CENPO: variants seen among roughly 807,000 people sequenced by gnomAD.
CENPO encodes centromeric protein O.
In CENPO, 30 loss-of-function variants were observed where a neutral mutation model predicts 36.1. The ratio of observed to expected loss-of-function variants is 0.83; its 90% CI spans 0.62 to 1.13. The LOEUF is 1.13. Among genes scored for constraint, CENPO ranks in the 50% most tolerant of loss-of-function variants. The pLI is 0.00. For synonymous variants in CENPO, 171 were observed against 142.3 expected (o/e 1.20, Z -1.44); for missense variants, 349 against 357.8 (o/e 0.98, Z 0.20).
At chr2:24,810,047 C>CAA (rs34117565) in intron 3 of CENPO, among the ~76,000 whole-genome samples, 1,655 of 133,576 alleles carry the variant, frequency 0.012, 22 homozygotes, top group African/African-American at 0.038. Context: ...AACTATGTCT[C>CAA]AAAAAAAAAA....
chr2:24,795,824 A>AT (rs781308603), intron 2 of CENPO, among the ~76,000 whole-genome samples: 42 of 152,326 alleles, frequency 2.8e-4, no homozygotes, highest in Non-Finnish European at 5.9e-4. Flanking sequence ...CACAGTATGA[A>AT]TAACTTCCAG....
At chr2:24,819,227 T>TTCTC (rs1166992045) in intron 7 of CENPO, 127 bp from the exon 8 acceptor site, 7 of 152,626 alleles carry the variant, frequency 4.6e-5, no homozygotes. Context: ...TACCTGTAAA[T>TTCTC]TCTCTTAAAG....
In CENPO at chr2:24,820,623, T is replaced by G. The variant is rs1006075985; in HGVS notation, c.*1305T>G. The G allele has an allele frequency of 7.2e-5, 112 of 1,559,222 alleles. No homozygotes were observed. The highest frequency in any genetic ancestry group is 9.5e-5 in the Non-Finnish European group (109 of 1,147,692). On this transcript the variant is annotated 3_prime_UTR_variant, in exon 8 of 8. Coordinates refer to ENST00000380834, the MANE Select transcript of CENPO (RefSeq NM_001322101.2). ...CACGTCTCTGCCTCTGGACTTACTG[T>G]TCAGGGCCAGGGTGGGAGGCAGGGG... is the stretch of plus-strand genomic sequence containing the variant.
chr2:24,808,441 A>T (rs1016440390), intron 3 of CENPO, among the ~76,000 whole-genome samples: 1 of 152,136 alleles, frequency 6.6e-6, no homozygotes, highest in African/African-American at 2.4e-5. Flanking sequence ...ACCTCAGGTT[A>T]TCCACCCGCC....
rs1422493851 is a variant in CENPO at position 24,819,828 on chromosome 2, AAAGTC to A, written c.*511_*515del. ...GAAGGCTGAGGAGGTTTCTAAACCT[AAAGTC>A]CATGAGTGTGCACTTCAATCCAGGA... On this transcript the variant is annotated 3_prime_UTR_variant, in exon 8 of 8. Transcript: ENST00000380834. 9 of 1,252,572 alleles carry A rather than the reference AAAGTC, an allele frequency of 7.2e-6. No individual in the cohort carries two copies. Among genetic ancestry groups the A allele is most frequent in the African/African-American group, 3.0e-5 (2 of 65,764 alleles). 77.6% of individuals were successfully genotyped at this position (1,252,572 alleles called of 1,614,324 possible).
chr2:24,816,418 A>T lies in CENPO; in HGVS notation c.595-228A>T, dbSNP rs1572745781. 1.1e-5 allele frequency: 5 copies of T among 474,674 alleles called. No homozygotes were observed. The South Asian group carries it at 2.1e-4, about 20-fold the overall frequency. 29.4% of individuals were successfully genotyped at this position (474,674 alleles called of 1,614,324 possible). A position where few individuals can be genotyped will look rare whatever the true frequency, so the allele number is the denominator to read the frequency against. On this transcript the variant is annotated intron_variant, in intron 5 of 7. Transcript: ENST00000380834. ...CAGAAACAGTCTCTTGCGAAGCTGTACCCCTGGCCATTTAGGCCTATAGGC... is the reference window on the plus strand; with the variant it reads ...CAGAAACAGTCTCTTGCGAAGCTGTTCCCCTGGCCATTTAGGCCTATAGGC...
At chr2:24,815,441 G>C (rs2148289004) in intron 4 of CENPO, 56 bp from the exon 5 acceptor site, 4 of 1,480,608 alleles carry the variant, frequency 2.7e-6, no homozygotes, top group Non-Finnish European at 3.8e-6. Flanking sequence ...AGGCACAGAT[G>C]AGTAAGACAT....
chr2:24,805,439 T>C (rs943914078), intron 3 of CENPO, among the ~76,000 whole-genome samples: 4 of 152,230 alleles, frequency 2.6e-5, no homozygotes, highest in Non-Finnish European at 5.9e-5. Context: ...CTCTGTTTTT[T>C]CCCCATCTTT....
Position 24,815,688 on chromosome 2 carries a change from T to C in CENPO, c.526T>C (p.Phe176Leu), listed in dbSNP as rs773815481. 6.2e-7 allele frequency: 1 copy of C among 1,614,086 alleles called. No homozygotes were observed. Among genetic ancestry groups the C allele is most frequent in the South Asian group, 1.1e-5 (1 of 91,088 alleles). ...ATATTTACAGACCAACATCCAGCAC[T>C]TCCTGTTCAGTCTCTGCGAGTACCT... Reference protein sequence around the residue: ...AKYLQTNIQHFLFSLCEYLNA... With the variant: ...AKYLQTNIQHLLFSLCEYLNA... The change falls in exon 5 of 8, where the codon TTC becomes CTC. Residue 176 changes from phenylalanine to leucine, a missense_variant. Transcript: ENST00000380834.
rs373130464 is a variant in CENPO at position 24,820,716 on chromosome 2, G to A, written c.*1398G>A. On this transcript the variant is annotated 3_prime_UTR_variant, in exon 8 of 8. Coordinates refer to ENST00000380834, the MANE Select transcript of CENPO (RefSeq NM_001322101.2). The stretch of plus-strand genomic sequence containing the variant: ...CTGAGCACGTGCCAGCTGTGCCACT[G>A]GACATACCTGAATGTTGCCCATGAC... 4.3e-6 allele frequency: 7 copies of A among 1,613,956 alleles called. No individual in the cohort carries two copies.
rs1053626077 is a variant in CENPO, at chr2:24,821,249, C to T, written c.*1931C>T. The T allele has an allele frequency of 2.5e-5, 12 of 477,782 alleles. No homozygotes were observed. Among genetic ancestry groups the T allele is most frequent in the Non-Finnish European group, 4.4e-5 (12 of 272,126 alleles). 29.6% of individuals were successfully genotyped at this position (477,782 alleles called of 1,614,324 possible). A position where few individuals can be genotyped will look rare whatever the true frequency, so the allele number is the denominator to read the frequency against. ...CAGCAACCCCTCTGGAAATGGATCACAAACTCACTTCTCAGCCAGGCAGGC... is the reference window on the plus strand; with the variant it reads ...CAGCAACCCCTCTGGAAATGGATCATAAACTCACTTCTCAGCCAGGCAGGC... On this transcript the variant is annotated 3_prime_UTR_variant, in exon 8 of 8. Transcript: ENST00000380834.
At chr2:24,803,148 T>G (rs1246599903) in intron 3 of CENPO, among the ~76,000 whole-genome samples, 1 of 151,380 alleles carries the variant, frequency 6.6e-6, no homozygotes, top group East Asian at 1.9e-4. Flanking sequence ...GATGGTAGTT[T>G]GTATTTCTGT....
chr2:24,805,653 A>C (rs1369659580), intron 3 of CENPO, among the ~76,000 whole-genome samples: 1 of 152,222 alleles, frequency 6.6e-6, no homozygotes, highest in South Asian at 2.1e-4. Context: ...GTTGGTGAAC[A>C]GCAAATGCTG....
intron 7 of CENPO, among the ~76,000 whole-genome samples, chr2:24,818,741 GC>G (rs1435517849): frequency 1.3e-5 from 2 of 152,190 alleles, no homozygotes; most frequent in Non-Finnish European, 2.9e-5. Flanking sequence ...GTCCTGATTT[GC>G]CGTAACCACG....
At chr2:24,818,739 T>G (rs150648919) in intron 7 of CENPO, among the ~76,000 whole-genome samples, 4 of 152,332 alleles carry the variant, frequency 2.6e-5, no homozygotes, top group African/African-American at 7.2e-5. Flanking sequence ...GTGTCCTGAT[T>G]TGCCGTAACC....
intron 7 of CENPO, 28 bp downstream of exon 7, chr2:24,817,869 C>G: frequency 6.4e-7 from 1 of 1,564,774 alleles, no homozygotes; most frequent in Non-Finnish European, 8.8e-7. Context: ...AAGACAGTAC[C>G]AGGTGGGTAG....
rs987353903 is a variant in CENPO, at chr2:24,821,227, C to G, written c.*1909C>G. On this transcript the variant is annotated 3_prime_UTR_variant, in exon 8 of 8. Coordinates refer to ENST00000380834, the MANE Select transcript of CENPO (RefSeq NM_001322101.2). Reference sequence around the variant, plus strand: ...GAAGCCATGTCCTCAGCAGGCACAGCAACCCCTCTGGAAATGGATCACAAA... The same window carrying G: ...GAAGCCATGTCCTCAGCAGGCACAGGAACCCCTCTGGAAATGGATCACAAA... 6 of 456,196 alleles carry G rather than the reference C, an allele frequency of 1.3e-5. No homozygotes were observed. Among genetic ancestry groups the G allele is most frequent in the Non-Finnish European group, 2.3e-5 (6 of 257,004 alleles). 28.3% of individuals were successfully genotyped at this position (456,196 alleles called of 1,614,324 possible). A position where few individuals can be genotyped will look rare whatever the true frequency, so the allele number is the denominator to read the frequency against.
At chr2:24,802,586 CAT>C (rs1169819380) in intron 3 of CENPO, among the ~76,000 whole-genome samples, 1 of 152,184 alleles carries the variant, frequency 6.6e-6, no homozygotes, top group East Asian at 1.9e-4. Context: ...TCGAGATAAT[CAT>C]GTGGTTTTTG....
At chr2:24,809,319 G>C (rs1298426036) in intron 3 of CENPO, among the ~76,000 whole-genome samples, 7 of 151,604 alleles carry the variant, frequency 4.6e-5, no homozygotes, top group Admixed American at 3.3e-4. Context: ...ATTTTCTCTC[G>C]TTCATTTGTT....
Sources: allele counts gnomAD v4.1 joint callset (sites outside exome capture counted in the v4.1 genomes callset), GRCh38; gene constraint gnomAD v4.1.1; transcripts MANE v1.5; gene names NCBI Gene and HGNC (gene_info 2026-07-23, HGNC 2026-07-21).